Variants in ELP3 observed in about 807,000 individuals in gnomAD.
The protein encoded by ELP3 is elongator complex protein 3.
In ELP3, 56 loss-of-function variants were observed where a neutral mutation model predicts 74.9. The ratio of observed to expected loss-of-function variants is 0.75; its 90% CI spans 0.60 to 0.93. The LOEUF (loss-of-function observed/expected upper bound fraction) is 0.93, where lower values mean the gene tolerates loss of function less well. ELP3 is among the 40% of genes least tolerant of loss of function. The pLI, the probability that ELP3 is intolerant of heterozygous loss-of-function variation, is 0.00. For missense variants in ELP3, 573 were observed against 686.5 expected (o/e 0.83, Z 1.85); for synonymous variants, 222 against 239.8 (o/e 0.93, Z 0.68).
chr8:28,151,059 G>A (rs1368390275), intron 10 of ELP3, among the ~76,000 whole-genome samples: 1 of 152,140 alleles, frequency 6.6e-6, no homozygotes, highest in Non-Finnish European at 1.5e-5. Context: ...ATAGGTGTGA[G>A]CCACCGTACT....
At chr8:28,127,283 C>T (rs769139001) in intron 7 of ELP3, among the ~76,000 whole-genome samples, 1 of 152,132 alleles carries the variant, frequency 6.6e-6, no homozygotes, top group Non-Finnish European at 1.5e-5. Context: ...TACACAAATT[C>T]CCATTTGTGC....
chr8:28,106,614 C>A, intron 3 of ELP3, 99 bp from the exon 4 acceptor site: 2 of 790,740 alleles, frequency 2.5e-6, no homozygotes, highest in Non-Finnish European at 4.1e-6. Flanking sequence ...TTGCCACTCT[C>A]TGGTTGCATT....
At chr8:28,105,871 G>C (rs1015783914) in intron 3 of ELP3, among the ~76,000 whole-genome samples, 1 of 152,240 alleles carries the variant, frequency 6.6e-6, no homozygotes, top group Non-Finnish European at 1.5e-5. Context: ...GCCTCCTGTC[G>C]TCACCTCACT....
intron 10 of ELP3, among the ~76,000 whole-genome samples, chr8:28,143,857 A>G (rs965140850): frequency 6.6e-6 from 1 of 152,210 alleles, no homozygotes; most frequent in Non-Finnish European, 1.5e-5. Context: ...TTTCTGGAAC[A>G]AGGGGAAAAT....
chr8:28,099,863 C>A lies in ELP3; in HGVS notation c.155C>A (p.Ser52Tyr). ...KTKTAAKYGL[S>Y]AQPRLVDIIA... ...AAGACAGCTGCCAAATATGGCCTTT[C>A]TGCCCAGCCCCGCCTGGTGGATATC... Residue 52 changes from serine (S) to tyrosine (Y), a missense_variant, in exon 3 of 15, where the codon TCT (serine) becomes TAT (tyrosine). Physicochemically the swap from Ser to Tyr is moderately radical, Grantham distance 144. Coordinates refer to ENST00000256398, the MANE Select transcript of ELP3 (RefSeq NM_018091.6). The A allele has an allele frequency of 6.2e-7, 1 of 1,614,242 alleles. No homozygotes were observed. The highest frequency in any genetic ancestry group is 8.5e-7 in the Non-Finnish European group (1 of 1,180,038).
chr8:28,178,310 C>CCACTTATG (rs2130600503), intron 14 of ELP3, among the ~76,000 whole-genome samples: 1 of 152,304 alleles, frequency 6.6e-6, no homozygotes, highest in South Asian at 2.1e-4. Flanking sequence ...TCTCTAACCC[C>CCACTTATG]CACTTATGTC....
At chr8:28,158,527 TCCCACCC>T in intron 11 of ELP3, 34 bp from the exon 12 acceptor site, 2 of 1,213,162 alleles carry the variant, frequency 1.6e-6, no homozygotes, top group Non-Finnish European at 2.4e-6. Context: ...TTTGTACCCC[TCCCACCC>T]CCCAACCCCG....
intron 14 of ELP3, among the ~76,000 whole-genome samples, chr8:28,178,727 G>A (rs772402563): frequency 9.9e-5 from 15 of 152,150 alleles, no homozygotes; most frequent in Non-Finnish European, 2.1e-4. Context: ...TCTGCCAAGT[G>A]GCTTTCTAAA....
intron 7 of ELP3, among the ~76,000 whole-genome samples, chr8:28,115,154 T>C (rs1209279256): frequency 6.6e-6 from 1 of 151,970 alleles, no homozygotes; most frequent in Non-Finnish European, 1.5e-5. Context: ...GAGTTCTGTT[T>C]TGGATGTGTG....
intron 5 of ELP3, among the ~76,000 whole-genome samples, chr8:28,108,614 G>A (rs553061334): frequency 6.6e-5 from 10 of 151,944 alleles, no homozygotes; most frequent in Admixed American, 3.3e-4. Context: ...GCACCACCAC[G>A]CCCAGCTAAT....
At chr8:28,140,359 A>G (rs1813188576) in intron 10 of ELP3, among the ~76,000 whole-genome samples, 2 of 152,198 alleles carry the variant, frequency 1.3e-5, no homozygotes, top group South Asian at 4.1e-4. Flanking sequence ...TGATATTAAC[A>G]GATTATAACC....
At position 28,190,889 on chromosome 8, in the gene ELP3, A is replaced by G. The variant is rs1364590831; in HGVS notation, c.*1164A>G. Reference sequence around the variant, plus strand: ...TTTTTTAAGGTGGATTTTGGTTGTTATAAATGGAGAAAGGTAAGAGTTCAA... The same window carrying G: ...TTTTTTAAGGTGGATTTTGGTTGTTGTAAATGGAGAAAGGTAAGAGTTCAA... On this transcript the variant is annotated 3_prime_UTR_variant, in exon 15 of 15. Transcript: ENST00000256398. 6.6e-6 allele frequency: 1 copy of G among 152,164 alleles called. No individual in the cohort carries two copies. The highest frequency in any genetic ancestry group is 1.5e-5 in the Non-Finnish European group (1 of 68,042). The allele number at this position is 152,164 out of a possible 1,614,324, so 9.4% of individuals were successfully genotyped here. A position where few individuals can be genotyped will look rare whatever the true frequency, so the allele number is the denominator to read the frequency against.
At chr8:28,091,201 C>T (rs981858595), upstream of ELP3, among the ~76,000 whole-genome samples, 3 of 152,032 alleles carry the variant, frequency 2.0e-5, no homozygotes, top group Non-Finnish European at 2.9e-5. Context: ...CCACCGCGCC[C>T]GGCCGTAAAT....
intron 14 of ELP3, among the ~76,000 whole-genome samples, chr8:28,163,720 C>T (rs1054886561): frequency 6.6e-6 from 1 of 152,206 alleles, no homozygotes; most frequent in East Asian, 1.9e-4. Context: ...CTTAGAAGCC[C>T]TCTGCACATG....
chr8:28,113,069 T>A lies in ELP3; in HGVS notation c.513T>A (p.Gly171=). The stretch of plus-strand genomic sequence containing the variant: ...ATAAAGTGGAGTTTATTGTGATGGG[T>A]GGAACGTTTATGGCCCTTCCAGAAG... The part of the protein sequence containing the change: ...SVDKVEFIVM[G]GTFMALPEEY... Residue 171 remains glycine, a synonymous_variant, in exon 7 of 15, where the codon GGT becomes GGA. Transcript: ENST00000256398. The A allele has an allele frequency of 6.2e-7, 1 of 1,613,994 alleles. No homozygotes were observed. Among genetic ancestry groups the A allele is most frequent in the East Asian group, 2.2e-5 (1 of 44,854 alleles).
chr8:28,097,606 C>T (rs1240262582), intron 2 of ELP3, among the ~76,000 whole-genome samples: 1 of 152,098 alleles, frequency 6.6e-6, no homozygotes. Context: ...CCGTGTTAGC[C>T]AGGACGGTCT....
At chr8:28,126,575 T>C (rs570512718) in intron 7 of ELP3, among the ~76,000 whole-genome samples, 2 of 152,122 alleles carry the variant, frequency 1.3e-5, no homozygotes, top group South Asian at 4.2e-4. Flanking sequence ...GTTGACAGAG[T>C]TGCTGCATGC....
intron 11 of ELP3, 151 bp from the exon 12 acceptor site, chr8:28,158,417 T>C: frequency 1.6e-6 from 1 of 636,326 alleles, no homozygotes; most frequent in Non-Finnish European, 2.8e-6. Context: ...ATTCAGCTCT[T>C]TTATCTCACT....
At position 28,094,643 on chromosome 8, in the gene ELP3, G is replaced by C. The variant is rs1395889442; in HGVS notation, c.19+1410G>C. 5.8e-4 allele frequency among the ~76,000 whole-genome samples: 89 copies of C among 152,140 alleles called. 2 individuals carry two copies. The highest frequency in any genetic ancestry group is 5.8e-3 in the Admixed American group (89 of 15,280). ...GGAGGCTGAGGCTGAGGCTGAGGCA[G>C]AGGCGGGAGAATCACTTGAACCTGG... On this transcript the variant is annotated intron_variant, in intron 1 of 14. Transcript: ENST00000256398.
Sources: gnomAD v4.1 joint callset for allele counts (sites outside exome capture counted in the v4.1 genomes callset) on GRCh38, gnomAD v4.1.1 for gene constraint, MANE v1.5 for transcripts, NCBI Gene and HGNC (gene_info 2026-07-23, HGNC 2026-07-21) for gene names.